The following DAP variants were observed in gnomAD, a reference collection of about 807,000 sequenced individuals.
The protein encoded by DAP is death associated protein, also known as death-associated protein 1.
A neutral mutation model predicts 13.8 loss-of-function variants in DAP; 8 were observed. That is an observed-to-expected ratio of 0.58 (90% confidence interval 0.34 to 1.05). The LOEUF (loss-of-function observed/expected upper bound fraction) is 1.05, where lower values mean the gene tolerates loss of function less well. Among genes scored for constraint, DAP ranks in the 50% least tolerant of loss-of-function variants. DAP has a pLI of 0.03. For missense variants in DAP, 106 were observed against 133.2 expected (o/e 0.80, Z 1.01); for synonymous variants, 47 against 47.5 (o/e 0.99, Z 0.04).
In DAP at chr5:10,735,304, G is replaced by C. The variant is rs939459761; in HGVS notation, c.152+12871C>G. Among the ~76,000 whole-genome samples the C allele has an allele frequency of 2.6e-5, 4 of 152,240 alleles. No homozygotes were observed. In the South Asian group the frequency reaches 8.3e-4, roughly 32 times the overall value. On this transcript the variant is annotated intron_variant, in intron 2 of 3. Coordinates refer to ENST00000230895, the MANE Select transcript of DAP (RefSeq NM_004394.3). ...CCATGTTACAAATACCAACAACCTA[G>C]TCACATGTGACAAGAAGCAGCTCTC...
At chr5:10,691,864 G>A (rs1436994651) in intron 2 of DAP, among the ~76,000 whole-genome samples, 1 of 152,078 alleles carries the variant, frequency 6.6e-6, no homozygotes, top group Non-Finnish European at 1.5e-5. Flanking sequence ...CGTGCACGTG[G>A]GTCTCTATTG....
At chr5:10,704,339 C>T (rs973533411) in intron 2 of DAP, among the ~76,000 whole-genome samples, 1 of 152,124 alleles carries the variant, frequency 6.6e-6, no homozygotes, top group Admixed American at 6.5e-5. Context: ...CAATTTTTGC[C>T]ACCATGAGTT....
chr5:10,745,875 G>A (rs899315665), intron 2 of DAP, among the ~76,000 whole-genome samples: 11 of 152,148 alleles, frequency 7.2e-5, no homozygotes, highest in Admixed American at 3.9e-4. Context: ...GACACCCCAG[G>A]TTTCCTAGAG....
Position 10,680,393 on chromosome 5 carries a change from A to C in DAP, c.*663T>G, listed in dbSNP as rs577829508. On this transcript the variant is annotated 3_prime_UTR_variant, in exon 4 of 4. Coordinates refer to ENST00000230895, the MANE Select transcript of DAP (RefSeq NM_004394.3). ...GCTTGCCGTGCCGAGATCTCATGCC[A>C]GAAGTCCTCCCTCGGAGCTACCTGT... The C allele has an allele frequency of 3.1e-6, 1 of 321,198 alleles. No individual in the cohort carries two copies. The highest frequency in any genetic ancestry group is 5.8e-6 in the Non-Finnish European group (1 of 173,306). The allele number at this position is 321,198 out of a possible 1,614,324, so 19.9% of individuals were successfully genotyped here. A position where few individuals can be genotyped will look rare whatever the true frequency, so the allele number is the denominator to read the frequency against.
chr5:10,702,100 C>A (rs1489651231), intron 2 of DAP, among the ~76,000 whole-genome samples: 1 of 152,224 alleles, frequency 6.6e-6, no homozygotes, highest in Non-Finnish European at 1.5e-5. Context: ...CACAACACAG[C>A]TTTAGGCTTC....
intron 2 of DAP, among the ~76,000 whole-genome samples, chr5:10,722,953 C>T (rs1414637607): frequency 6.6e-6 from 1 of 152,162 alleles, no homozygotes; most frequent in Admixed American, 6.5e-5. Flanking sequence ...GTTCGATGTA[C>T]CGAAAAATCC....
Position 10,707,380 on chromosome 5 carries a change from G to C in DAP, c.153-23809C>G, listed in dbSNP as rs1428603555. On this transcript the variant is annotated intron_variant, in intron 2 of 3. Transcript: ENST00000230895. This position sits in a 1 kb window ranked among gnomAD's most constrained non-coding sequence, Gnocchi z 4.0. ...CTTTTCTCAACAGCAGCACAAACTT[G>C]AGTAATTTAAAGATTCATATTCAAA... Among the ~76,000 whole-genome samples the C allele has an allele frequency of 6.6e-6, 1 of 152,178 alleles. No individual in the cohort carries two copies.
At position 10,748,273 on chromosome 5, in the gene DAP, T is replaced by C; in HGVS notation, c.56-2A>G. The C allele has an allele frequency of 6.2e-7, 1 of 1,612,732 alleles. No homozygotes were observed. Among genetic ancestry groups the C allele is most frequent in the Non-Finnish European group, 8.5e-7 (1 of 1,178,786 alleles). On this transcript the variant is annotated splice_acceptor_variant, in intron 1 of 3. Coordinates refer to ENST00000230895, the MANE Select transcript of DAP (RefSeq NM_004394.3). LOFTEE classifies it high-confidence loss of function. ...CAATTCGCATTCCACCAGCTTTCACTGAAATGAAAACAGAGAGTGTGGGAT... is the reference window on the plus strand; with the variant it reads ...CAATTCGCATTCCACCAGCTTTCACCGAAATGAAAACAGAGAGTGTGGGAT...
At chr5:10,749,518 T>C (rs1232478262) in intron 1 of DAP, among the ~76,000 whole-genome samples, 5 of 152,298 alleles carry the variant, frequency 3.3e-5, no homozygotes, top group Admixed American at 6.5e-5. Flanking sequence ...AGTGGTCTCT[T>C]ATTGTGGTTT....
chr5:10,732,049 C>T (rs1332741641), intron 2 of DAP, among the ~76,000 whole-genome samples: 1 of 152,198 alleles, frequency 6.6e-6, no homozygotes, highest in African/African-American at 2.4e-5. Flanking sequence ...TCCTGATGTC[C>T]CTGAGGAGTT....
At chr5:10,728,473 T>A (rs1311868944) in intron 2 of DAP, among the ~76,000 whole-genome samples, 1 of 152,190 alleles carries the variant, frequency 6.6e-6, no homozygotes, top group Non-Finnish European at 1.5e-5. Flanking sequence ...ACTATGTTCT[T>A]TTGCCCTATT....
At chr5:10,715,721 C>T (rs1386416301) in intron 2 of DAP, among the ~76,000 whole-genome samples, 1 of 152,184 alleles carries the variant, frequency 6.6e-6, no homozygotes, top group Non-Finnish European at 1.5e-5. Context: ...CTTCCGATGC[C>T]ACGGAGAGAA....
rs1738428959 is a variant in DAP at position 10,695,949 on chromosome 5, G to A, written c.153-12378C>T. On this transcript the variant is annotated intron_variant, in intron 2 of 3. Transcript: ENST00000230895. Reference sequence around the variant, plus strand: ...AATAGGGCTCATCAGTAGATGACGTGTTCCACACTCTGCATGTAGTGTGAA... The same window carrying A: ...AATAGGGCTCATCAGTAGATGACGTATTCCACACTCTGCATGTAGTGTGAA... 4.0e-5 allele frequency among the ~76,000 whole-genome samples: 6 copies of A among 151,822 alleles called. No individual in the cohort carries two copies. The South Asian group carries it at 1.2e-3, about 32-fold the overall frequency.
intron 2 of DAP, among the ~76,000 whole-genome samples, chr5:10,720,412 A>C (rs1220632999): frequency 6.6e-6 from 1 of 152,074 alleles, no homozygotes; most frequent in Non-Finnish European, 1.5e-5. Context: ...ATGTGGATGG[A>C]CTTCTCTCAG....
intron 1 of DAP, among the ~76,000 whole-genome samples, chr5:10,756,884 A>T (rs1013165034): frequency 6.7e-6 from 1 of 150,274 alleles, no homozygotes; most frequent in Non-Finnish European, 1.5e-5. Flanking sequence ...TAACTCTGCT[A>T]ATCTGCATTT....
At chr5:10,735,322 C>T (rs1016199997) in intron 2 of DAP, among the ~76,000 whole-genome samples, 2 of 152,294 alleles carry the variant, frequency 1.3e-5, no homozygotes, top group South Asian at 2.1e-4. Context: ...TGACAAGAAG[C>T]AGCTCTCCCC....
chr5:10,748,304 T>C, intron 1 of DAP, 33 bp from the exon 2 acceptor site: 1 of 1,580,766 alleles, frequency 6.3e-7, no homozygotes, highest in Non-Finnish European at 8.7e-7. Flanking sequence ...GGGATTAATG[T>C]GGAAATGGGG....
chr5:10,735,910 T>C (rs2077436291), intron 2 of DAP, among the ~76,000 whole-genome samples: 1 of 152,214 alleles, frequency 6.6e-6, no homozygotes, highest in East Asian at 1.9e-4. Context: ...GAGGTTGAGA[T>C]CCTAGGCTCC....
intron 2 of DAP, among the ~76,000 whole-genome samples, chr5:10,699,079 C>CA: frequency 6.6e-6 from 1 of 152,192 alleles, no homozygotes. Context: ...CCCTAGTCGG[C>CA]AAATGGCCAC....
Sources: gnomAD v4.1 joint callset for allele counts (sites outside exome capture counted in the v4.1 genomes callset) on GRCh38, gnomAD v4.1.1 for gene constraint, Gnocchi (gnomAD v3.1) non-coding constraint, MANE v1.5 for transcripts, NCBI Gene and HGNC (gene_info 2026-07-23, HGNC 2026-07-21) for gene names.